The following CDK14 variants were observed in gnomAD, a reference collection of about 807,000 sequenced individuals.
CDK14 encodes the protein cyclin-dependent kinase 14.
A neutral mutation model predicts 60.7 loss-of-function variants in CDK14; 34 were observed. That is an observed-to-expected ratio of 0.56 (90% CI 0.43 to 0.75). The LOEUF (loss-of-function observed/expected upper bound fraction) is 0.75. Ranked by LOEUF, CDK14 falls within the 30% of genes least tolerant of loss-of-function variation. The pLI is 0.00. For synonymous variants in CDK14, 197 were observed against 203.7 expected (o/e 0.97, Z 0.28); for missense variants, 482 against 564.1 (o/e 0.85, Z 1.47).
chr7:91,002,898 C>T (rs1382307030), intron 10 of CDK14, among the ~76,000 whole-genome samples: 2 of 152,108 alleles, frequency 1.3e-5, no homozygotes, highest in Non-Finnish European at 2.9e-5. Context: ...CGGTGAAACC[C>T]TATCTCTACT....
intron 2 of CDK14, among the ~76,000 whole-genome samples, chr7:90,610,019 C>T (rs529385849): frequency 1.3e-5 from 2 of 152,302 alleles, no homozygotes; most frequent in African/African-American, 4.8e-5. Flanking sequence ...ATATTAAATC[C>T]CACTAACAAT....
chr7:90,945,487 G>C (rs995065394), intron 8 of CDK14, among the ~76,000 whole-genome samples: 1 of 152,158 alleles, frequency 6.6e-6, no homozygotes, highest in Non-Finnish European at 1.5e-5. Context: ...CTACTCCTCC[G>C]GGGAGAATTT....
chr7:90,866,233 T>TAAACACACACAC (rs1554358738), intron 6 of CDK14, among the ~76,000 whole-genome samples: 1 of 140,292 alleles, frequency 7.1e-6, no homozygotes, highest in Non-Finnish European at 1.6e-5. Context: ...CACATACACA[T>TAAACACACACAC]ACACACACAC....
At chr7:91,044,949 G>A (rs193263675) in intron 10 of CDK14, among the ~76,000 whole-genome samples, 619 of 152,274 alleles carry the variant, frequency 4.1e-3, no homozygotes, top group Non-Finnish European at 6.1e-3. Flanking sequence ...GCCAGGTAGC[G>A]TTCTCCACAC....
chr7:90,965,684 A>G (rs954159371), intron 9 of CDK14, among the ~76,000 whole-genome samples: 2 of 152,222 alleles, frequency 1.3e-5, no homozygotes, highest in Non-Finnish European at 2.9e-5. Context: ...AGAAGAATGC[A>G]TACATTAGAG....
At chr7:90,961,715 A>G (rs1031095082) in intron 9 of CDK14, among the ~76,000 whole-genome samples, 1 of 152,216 alleles carries the variant, frequency 6.6e-6, no homozygotes, top group South Asian at 2.1e-4. Flanking sequence ...ACGAAATGCA[A>G]TGCAACATAA....
At chr7:91,096,065 C>CAAAAAAAAAAAAAAA (rs112016367) in intron 12 of CDK14, among the ~76,000 whole-genome samples, 1 of 64,556 alleles carries the variant, frequency 1.5e-5, no homozygotes, top group Non-Finnish European at 2.7e-5. Context: ...CACAATTTGC[C>CAAAAAAAAAAAAAAA]AAAAAAAAAA....
At chr7:91,178,503 C>G (rs1801862213) in intron 14 of CDK14, among the ~76,000 whole-genome samples, 1 of 148,726 alleles carries the variant, frequency 6.7e-6, no homozygotes, top group Non-Finnish European at 1.5e-5. Flanking sequence ...GCAAAAGAAA[C>G]TACCATCAGA....
At chr7:91,101,059 C>T (rs933958466) in intron 12 of CDK14, among the ~76,000 whole-genome samples, 2 of 152,016 alleles carry the variant, frequency 1.3e-5, no homozygotes, top group Admixed American at 6.6e-5. Flanking sequence ...CCTTATTTAG[C>T]ATAGGACAGT....
chr7:90,934,800 G>A (rs977650291), intron 8 of CDK14, among the ~76,000 whole-genome samples: 11 of 152,140 alleles, frequency 7.2e-5, no homozygotes, highest in African/African-American at 2.4e-4. Flanking sequence ...CCAAATTTGT[G>A]GTTGTTTCTT....
intron 2 of CDK14, among the ~76,000 whole-genome samples, chr7:90,718,545 T>TTAG (rs1366037953): frequency 6.6e-6 from 1 of 152,134 alleles, no homozygotes; most frequent in Non-Finnish European, 1.5e-5. Context: ...TAGTTCTGAC[T>TTAG]TCTATGGGCA....
At position 90,649,366 on chromosome 7, in the gene CDK14, T is replaced by TTTCC. The variant is rs869197484; in HGVS notation, c.123+45145_123+45148dup. Reference sequence around the variant, plus strand: ...CTTCCTTCCTTCCTTCCTTCCTTCCTTTCCTTCCTTCCTTCCTTCCTTCCT... The same window carrying TTTCC: ...CTTCCTTCCTTCCTTCCTTCCTTCCTTTCCTTCCTTCCTTCCTTCCTTCCTTCCT... On this transcript the variant is annotated intron_variant, in intron 2 of 14. Transcript: ENST00000380050. Among the ~76,000 whole-genome samples, 15 of 22,170 alleles carry TTTCC rather than the reference T, an allele frequency of 6.8e-4. 2 individuals are homozygous for TTTCC. Among genetic ancestry groups the TTTCC allele is most frequent in the African/African-American group, 3.9e-3 (13 of 3,322 alleles). 14.5% of individuals were successfully genotyped at this position (22,170 alleles called of 152,430 possible). A position where few individuals can be genotyped will look rare whatever the true frequency, so the allele number is the denominator to read the frequency against.
At chr7:91,187,604 C>A (rs527573445) in intron 14 of CDK14, among the ~76,000 whole-genome samples, 13 of 152,108 alleles carry the variant, frequency 8.5e-5, no homozygotes, top group Non-Finnish European at 1.8e-4. Flanking sequence ...AGGACACAGA[C>A]ACACACGAGG....
At chr7:91,025,912 T>G (rs1321640695) in intron 10 of CDK14, among the ~76,000 whole-genome samples, 2 of 152,230 alleles carry the variant, frequency 1.3e-5, no homozygotes, top group South Asian at 2.1e-4. Flanking sequence ...TCACTGTCAA[T>G]GTCTTTTCCT....
In CDK14 at chr7:90,741,105, G is replaced by A. The variant is rs181965259; in HGVS notation, c.370-6576G>A. ...CATTGAATGCTTGGTTAGGAAATGG[G>A]TTACTATTGTGTCCAGCTGTGCAGA... is the stretch of plus-strand genomic sequence containing the variant. On this transcript the variant is annotated intron_variant, in intron 3 of 14. Coordinates refer to ENST00000380050, the MANE Select transcript of CDK14 (RefSeq NM_001287135.2). Among the ~76,000 whole-genome samples the A allele has an allele frequency of 3.5e-3, 538 of 152,244 alleles. 4 individuals are homozygous for A. The highest frequency in any genetic ancestry group is 0.012 in the African/African-American group (501 of 41,542).
chr7:90,694,072 A>G (rs1283080140), intron 2 of CDK14, among the ~76,000 whole-genome samples: 1 of 152,182 alleles, frequency 6.6e-6, no homozygotes, highest in Non-Finnish European at 1.5e-5. Flanking sequence ...GGAAGACTGG[A>G]TGACTGTGAT....
intron 11 of CDK14, among the ~76,000 whole-genome samples, chr7:91,060,095 G>C (rs1395743573): frequency 6.6e-6 from 1 of 152,066 alleles, no homozygotes; most frequent in African/African-American, 2.4e-5. Flanking sequence ...CTCCTTATTG[G>C]GTGCATATAT....
intron 6 of CDK14, among the ~76,000 whole-genome samples, chr7:90,887,512 T>C (rs950862874): frequency 6.6e-6 from 1 of 152,178 alleles, no homozygotes; most frequent in Non-Finnish European, 1.5e-5. Context: ...ATAATATACA[T>C]CTAGCCAGGA....
intron 2 of CDK14, chr7:90,709,435 C>A: frequency 6.7e-7 from 1 of 1,482,374 alleles, no homozygotes. Context: ...CCTATGCAAT[C>A]ACCATTAGCT....
Sources: gnomAD v4.1 joint callset for allele counts (sites outside exome capture counted in the v4.1 genomes callset) on GRCh38, gnomAD v4.1.1 for gene constraint, MANE v1.5 for transcripts, NCBI Gene and HGNC (gene_info 2026-07-23, HGNC 2026-07-21) for gene names.